Variants in LRP1B observed in about 807,000 individuals in gnomAD.
LRP1B encodes low-density lipoprotein receptor-related protein 1B.
A neutral mutation model predicts 556.6 loss-of-function variants in LRP1B; 217 were observed. The ratio of observed to expected loss-of-function variants is 0.39; its 90% CI spans 0.35 to 0.44. The LOEUF is 0.44. LRP1B is among the 20% of genes least tolerant of loss of function. The probability of loss-of-function intolerance (pLI) is 1.00; values close to 1 mark genes in which losing one functional copy is unlikely to be tolerated. For missense variants in LRP1B, 5,053 were observed against 5,620.8 expected (o/e 0.90, Z 3.23); for synonymous variants, 2,047 against 1,865.8 (o/e 1.10, Z -2.50).
At chr2:142,039,267 C>T (rs1271482445) in intron 1 of LRP1B, among the ~76,000 whole-genome samples, 1 of 151,484 alleles carries the variant, frequency 6.6e-6, no homozygotes, top group Non-Finnish European at 1.5e-5. Flanking sequence ...CTGGAGATAG[C>T]CACAGATGGC....
chr2:140,291,319 T>TATATATATATATATATA (rs1553440647), intron 84 of LRP1B, among the ~76,000 whole-genome samples: 2 of 57,424 alleles, frequency 3.5e-5, no homozygotes, highest in Non-Finnish European at 6.5e-5. Flanking sequence ...TATATATATA[T>TATATATATATATATATA]TTTTATTATA....
In LRP1B at chr2:142,091,426, G is replaced by C. The variant is rs941424167; in HGVS notation, c.82+39222C>G. ...TTTTTTAAATTTGGAAGGTAACTAA[G>C]GGCTGAAAATTATACTTCTTAGAAG... is the stretch of plus-strand genomic sequence containing the variant. On this transcript the variant is annotated intron_variant, in intron 1 of 90. Coordinates refer to ENST00000389484, the MANE Select transcript of LRP1B (RefSeq NM_018557.3). Among the ~76,000 whole-genome samples, 5 of 152,010 alleles carry C rather than the reference G, an allele frequency of 3.3e-5. No homozygotes were observed. The East Asian group carries it at 5.8e-4, about 18-fold the overall frequency.
chr2:141,987,549 G>GTTTTTTTTTTT (rs5834887), intron 1 of LRP1B, among the ~76,000 whole-genome samples: 5 of 139,970 alleles, frequency 3.6e-5, no homozygotes, highest in Non-Finnish European at 3.1e-5. Flanking sequence ...GATTTAAGCT[G>GTTTTTTTTTTT]TTTTTTTTTT....
intron 18 of LRP1B, among the ~76,000 whole-genome samples, chr2:140,973,051 TTTATA>T (rs1462844184): frequency 0.025 from 899 of 36,126 alleles, 6 homozygotes; most frequent in African/African-American, 0.053. Flanking sequence ...TATATTTCAT[TTTATA>T]TATATATATA....
intron 3 of LRP1B, among the ~76,000 whole-genome samples, chr2:141,400,536 C>A (rs1219279976): frequency 6.6e-6 from 1 of 152,076 alleles, no homozygotes; most frequent in Non-Finnish European, 1.5e-5. Context: ...GTTTTAGAAG[C>A]AAAAGATGAC....
chr2:141,723,807 A>C (rs1162448323), intron 2 of LRP1B, among the ~76,000 whole-genome samples: 1 of 151,832 alleles, frequency 6.6e-6, no homozygotes, highest in African/African-American at 2.4e-5. Flanking sequence ...TATCATCACC[A>C]GGCCATTTCA....
chr2:141,252,540 C>G (rs1220778812), intron 4 of LRP1B, among the ~76,000 whole-genome samples: 1 of 152,118 alleles, frequency 6.6e-6, no homozygotes, highest in African/African-American at 2.4e-5. Context: ...TTAAGGCTTG[C>G]ATTTGGTAAA....
intron 42 of LRP1B, among the ~76,000 whole-genome samples, chr2:140,599,173 CA>C (rs1235660784): frequency 6.6e-6 from 1 of 152,012 alleles, no homozygotes; most frequent in Non-Finnish European, 1.5e-5. Flanking sequence ...CCACAAACTG[CA>C]AATATACCCT....
At chr2:140,637,844 G>T (rs549178263) in intron 41 of LRP1B, among the ~76,000 whole-genome samples, 7 of 152,058 alleles carry the variant, frequency 4.6e-5, no homozygotes, top group African/African-American at 7.2e-5. Context: ...ATCAATCAGA[G>T]ATTCAATAAA....
chr2:141,754,739 T>C (rs1339692100), intron 2 of LRP1B, among the ~76,000 whole-genome samples: 4 of 152,186 alleles, frequency 2.6e-5, no homozygotes, highest in Non-Finnish European at 4.4e-5. Flanking sequence ...GACGAAAATG[T>C]CAGTAACTCA....
chr2:141,334,958 A>T (rs1687791826), intron 3 of LRP1B, among the ~76,000 whole-genome samples: 1 of 152,214 alleles, frequency 6.6e-6, no homozygotes, highest in Non-Finnish European at 1.5e-5. Context: ...TCCATGAGAG[A>T]TTCAATAGCT....
At chr2:140,668,680 C>T (rs1685373695) in intron 41 of LRP1B, among the ~76,000 whole-genome samples, 1 of 151,578 alleles carries the variant, frequency 6.6e-6, no homozygotes, top group South Asian at 2.1e-4. Context: ...TATAAACCTA[C>T]ATCAGAATTT....
At chr2:141,986,845 CACA>C (rs774910715) in intron 1 of LRP1B, among the ~76,000 whole-genome samples, 6 of 151,942 alleles carry the variant, frequency 3.9e-5, no homozygotes, top group Non-Finnish European at 7.4e-5. Context: ...AGCTGATCTT[CACA>C]ACAATACAAG....
intron 82 of LRP1B, among the ~76,000 whole-genome samples, chr2:140,320,501 C>G (rs1389417573): frequency 5.3e-5 from 8 of 152,080 alleles, no homozygotes; most frequent in Admixed American, 5.2e-4. Flanking sequence ...GAGGGAAATA[C>G]AACAGGTAAC....
intron 2 of LRP1B, among the ~76,000 whole-genome samples, chr2:141,795,105 C>G (rs1389962509): frequency 6.6e-6 from 1 of 152,004 alleles, no homozygotes; most frequent in Non-Finnish European, 1.5e-5. Flanking sequence ...GCTAATTGAT[C>G]AACAGTGTTT....
At chr2:141,216,391 G>T (rs923135308) in intron 6 of LRP1B, among the ~76,000 whole-genome samples, 3 of 152,240 alleles carry the variant, frequency 2.0e-5, no homozygotes, top group Admixed American at 2.0e-4. Flanking sequence ...GGTTGCCCAT[G>T]CAGAAGCCTG....
intron 3 of LRP1B, among the ~76,000 whole-genome samples, chr2:141,466,950 GATATATAT>G (rs59093011): frequency 2.8e-5 from 4 of 140,772 alleles, no homozygotes; most frequent in Admixed American, 7.1e-5. Context: ...GTGCTCAGGG[GATATATAT>G]ATATATATAT....
At chr2:141,035,038 T>C (rs1273639350) in intron 11 of LRP1B, among the ~76,000 whole-genome samples, 2 of 152,066 alleles carry the variant, frequency 1.3e-5, no homozygotes, top group Non-Finnish European at 1.5e-5. Flanking sequence ...TAAAAAATGA[T>C]GAGTTCATGT....
chr2:141,556,991 G>A (rs1193899211), intron 2 of LRP1B, among the ~76,000 whole-genome samples: 1 of 151,638 alleles, frequency 6.6e-6, no homozygotes. Flanking sequence ...CAGAGGATTG[G>A]ATGTAAATAA....
Sources: gnomAD v4.1 joint callset for allele counts (sites outside exome capture counted in the v4.1 genomes callset) on GRCh38, gnomAD v4.1.1 for gene constraint, MANE v1.5 for transcripts, NCBI Gene and HGNC (gene_info 2026-07-23, HGNC 2026-07-21) for gene names.